Variants in RUSF1 observed in about 807,000 individuals in gnomAD.
RUSF1 encodes RUS family member 1.
A neutral mutation model predicts 63.0 loss-of-function variants in RUSF1; 58 were observed. The observed-to-expected ratio is 0.92, with a 90% CI of 0.75 to 1.15. The LOEUF (loss-of-function observed/expected upper bound fraction) is 1.15. Ranked by LOEUF, RUSF1 falls within the 50% of genes most tolerant of loss-of-function variation. The probability of loss-of-function intolerance (pLI) is 0.00; values close to 1 mark genes in which losing one functional copy is unlikely to be tolerated. For synonymous variants in RUSF1, 274 were observed against 255.8 expected, an observed-to-expected ratio of 1.07 and a Z score of -0.68; for missense variants, 652 against 611.0, an observed-to-expected ratio of 1.07 and a Z score of -0.71.
intron 2 of RUSF1, 26 bp from the exon 3 acceptor site, chr16:31,500,757 G>C: frequency 1.9e-6 from 3 of 1,607,996 alleles, no homozygotes; most frequent in Non-Finnish European, 2.6e-6. Context: ...CACAGGTAAG[G>C]AGCAAGGAAG....
chr16:31,492,230 C>CTG lies in RUSF1; in HGVS notation c.1196_1197dup (p.Glu400GlnfsTer6). ...ACCCGGTTCCTCAGCTCCTCCAGCT[C>CTG]TGCTGGAAGGGGTCCATCTCCCTGC... On this transcript the variant is annotated frameshift_variant, in exon 11 of 13. Transcript: ENST00000327237. LOFTEE classifies it high-confidence loss of function. The CTG allele has an allele frequency of 6.2e-7, 1 of 1,612,670 alleles. No homozygotes were observed. Among genetic ancestry groups the CTG allele is most frequent in the Non-Finnish European group, 8.5e-7 (1 of 1,179,192 alleles).
At position 31,500,728 on chromosome 16, in the gene RUSF1, G is replaced by C. The variant is rs773353478; in HGVS notation, c.419C>G (p.Ser140Ter). 4 of 1,612,220 alleles carry C rather than the reference G, an allele frequency of 2.5e-6. No individual in the cohort carries two copies. The African/African-American group carries it at 4.0e-5, about 16-fold the overall frequency. Residue 140 changes from serine (S) to a stop codon, truncating the protein, a stop_gained, in exon 3 of 13, where the codon TCA (serine) becomes TGA (stop). Coordinates refer to ENST00000327237, the MANE Select transcript of RUSF1 (RefSeq NM_022744.4). LOFTEE classifies it high-confidence loss of function. Reference protein sequence around the residue: ...AATATWLVKDSTGMLGRIVFA... With the variant: ...AATATWLVKD The stretch of plus-strand genomic sequence containing the variant: ...GACGATGCGGCCCAGCATGCCAGTT[G>C]AATCTGGGGGAAAGAAGGCACAGGT...
At chr16:31,500,550 G>A in intron 3 of RUSF1, 136 bp downstream of exon 3, 1 of 1,131,418 alleles carries the variant, frequency 8.8e-7, no homozygotes, top group South Asian at 1.7e-5. Flanking sequence ...TATGTACGAT[G>A]CCACGGGCAT....
In RUSF1 at chr16:31,493,655, C is replaced by A. The variant is rs1417736829; in HGVS notation, c.906G>T (p.Arg302Ser). 6.2e-7 allele frequency: 1 copy of A among 1,614,100 alleles called. No individual in the cohort carries two copies. The highest frequency in any genetic ancestry group is 8.5e-7 in the Non-Finnish European group (1 of 1,180,054). ...CTGCAGTTGGGTCGAGTACCTCTCC[C>A]CTCTGAAGGTAGTGCTTCAGGACCA... is the stretch of plus-strand genomic sequence containing the variant. ...LRLVLKHYLQRGEVLDPTAAN... is the reference protein window; with the variant it reads ...LRLVLKHYLQSGEVLDPTAAN... Residue 302 changes from arginine (R) to serine (S), a missense_variant, in exon 8 of 13, where the codon AGG becomes AGT. Arg to Ser is a moderately radical substitution (Grantham distance 110). Coordinates refer to ENST00000327237, the MANE Select transcript of RUSF1 (RefSeq NM_022744.4).
chr16:31,498,655 G>A (rs779565161), intron 5 of RUSF1, among the ~76,000 whole-genome samples: 1 of 152,312 alleles, frequency 6.6e-6, no homozygotes, highest in East Asian at 1.9e-4. Flanking sequence ...TTGGCGTGGA[G>A]GAAGAGTGTG....
In RUSF1 at chr16:31,507,794, A is replaced by C; in HGVS notation, c.385T>G (p.Ser129Ala). ...IGVGNAKATV[S>A]AATATWLVKD... ...ACGAGCCAGGTGGCCGTGGCAGCTG[A>C]AACAGTGGCTTTTGCGTTCCCCACC... The change falls in exon 2 of 13, where the codon TCA (serine) becomes GCA (alanine). Residue 129 changes from serine to alanine, a missense_variant. Transcript: ENST00000327237. 3 of 1,574,490 alleles carry C rather than the reference A, an allele frequency of 1.9e-6. No homozygotes were observed. The highest frequency in any genetic ancestry group is 2.3e-5 in the South Asian group (2 of 85,598).
In RUSF1 at chr16:31,490,230, G is replaced by A; in HGVS notation, c.*605C>T. ...CCCAGAGAGTGCCATGGAGATGAAT[G>A]GTAGGGCACCATGCTGGGAGGTGGG... On this transcript the variant is annotated 3_prime_UTR_variant, in exon 13 of 13. Transcript: ENST00000327237. The A allele has an allele frequency of 6.2e-7, 1 of 1,614,130 alleles. No homozygotes were observed. Among genetic ancestry groups the A allele is most frequent in the Middle Eastern group, 1.7e-4 (1 of 6,058 alleles).
intron 5 of RUSF1, among the ~76,000 whole-genome samples, chr16:31,498,654 AG>A (rs1340190449): frequency 6.6e-6 from 1 of 152,162 alleles, no homozygotes; most frequent in Non-Finnish European, 1.5e-5. Flanking sequence ...CTTGGCGTGG[AG>A]GAAGAGTGTG....
chr16:31,493,334 C>A, intron 9 of RUSF1, 133 bp downstream of exon 9: 1 of 1,230,056 alleles, frequency 8.1e-7, no homozygotes, highest in East Asian at 2.5e-5. Flanking sequence ...CCCACACCAA[C>A]CCCATGTCTG....
intron 2 of RUSF1, among the ~76,000 whole-genome samples, chr16:31,506,598 A>G (rs998271329): frequency 6.6e-6 from 1 of 152,188 alleles, no homozygotes; most frequent in Non-Finnish European, 1.5e-5. Context: ...CCTGGCCAAC[A>G]TGGTGAAACT....
At chr16:31,507,043 G>C (rs923188069) in intron 2 of RUSF1, among the ~76,000 whole-genome samples, 3 of 152,148 alleles carry the variant, frequency 2.0e-5, no homozygotes, top group Non-Finnish European at 4.4e-5. Context: ...TGTAATTGCG[G>C]GTTTTCCATT....
At chr16:31,505,870 T>C (rs2082656170) in intron 2 of RUSF1, among the ~76,000 whole-genome samples, 1 of 152,158 alleles carries the variant, frequency 6.6e-6, no homozygotes, top group African/African-American at 2.4e-5. Context: ...AAATAAAATA[T>C]GGTGTCCAGT....
chr16:31,492,547 C>T (rs540818456), intron 10 of RUSF1, among the ~76,000 whole-genome samples: 1 of 152,306 alleles, frequency 6.6e-6, no homozygotes, highest in African/African-American at 2.4e-5. Context: ...TTCCCAGCCG[C>T]TCACTGGGCT....
In RUSF1 at chr16:31,489,982, TG is replaced by T; in HGVS notation, c.*852del. The T allele has an allele frequency of 1.5e-6, 2 of 1,324,806 alleles. No homozygotes were observed. Among genetic ancestry groups the T allele is most frequent in the Non-Finnish European group, 2.1e-6 (2 of 939,360 alleles). 82.1% of individuals were successfully genotyped at this position (1,324,806 alleles called of 1,614,324 possible). The stretch of plus-strand genomic sequence containing the variant: ...GAGTTGGCATGAGTTAAGCCTGGGC[TG>T]GGTGTGTAGACTGGACAGAGGTGGG... On this transcript the variant is annotated 3_prime_UTR_variant, in exon 13 of 13. Transcript: ENST00000327237.
intron 1 of RUSF1, 97 bp downstream of exon 1, chr16:31,507,976 AC>A (rs2082669894): frequency 2.6e-6 from 4 of 1,535,008 alleles, no homozygotes; most frequent in Non-Finnish European, 3.5e-6. Flanking sequence ...GGCATGTCAG[AC>A]CCCCCGCCCC....
At chr16:31,491,067 G>A (rs1007649314) in intron 12 of RUSF1, 135 bp from the exon 13 acceptor site, 55 of 749,680 alleles carry the variant, frequency 7.3e-5, no homozygotes, top group African/African-American at 5.9e-4. Context: ...AAATGAGGCT[G>A]AAACCACACC....
Position 31,490,223 on chromosome 16 carries a change from G to A in RUSF1, c.*612C>T, listed in dbSNP as rs768049276. ...ATGGGTGCCCAGAGAGTGCCATGGA[G>A]ATGAATGGTAGGGCACCATGCTGGG... On this transcript the variant is annotated 3_prime_UTR_variant, in exon 13 of 13. Transcript: ENST00000327237. 22 of 1,614,064 alleles carry A rather than the reference G, an allele frequency of 1.4e-5. No homozygotes were observed. Among genetic ancestry groups the A allele is most frequent in the Middle Eastern group, 1.6e-4 (1 of 6,084 alleles).
intron 2 of RUSF1, among the ~76,000 whole-genome samples, chr16:31,506,218 T>C (rs1285019779): frequency 3.3e-5 from 5 of 152,204 alleles, no homozygotes; most frequent in African/African-American, 4.8e-5. Context: ...ATGCACACCA[T>C]TGAAAATACT....
intron 2 of RUSF1, among the ~76,000 whole-genome samples, chr16:31,507,252 C>T (rs1330184804): frequency 6.6e-6 from 1 of 151,962 alleles, no homozygotes. Context: ...TATTTTTTTT[C>T]CTTAAACAAT....
Sources: gnomAD v4.1 joint callset for allele counts (sites outside exome capture counted in the v4.1 genomes callset) on GRCh38, gnomAD v4.1.1 for gene constraint, MANE v1.5 for transcripts, NCBI Gene and HGNC (gene_info 2026-07-23, HGNC 2026-07-21) for gene names.